The following KIF1A variants were observed in gnomAD, a reference collection of about 807,000 sequenced individuals.
KIF1A encodes the protein kinesin family member 1A, also known as kinesin-like protein KIF1A.
In KIF1A, 46 loss-of-function variants were observed where a neutral mutation model predicts 227.3. The ratio of observed to expected loss-of-function variants is 0.20; its 90% CI spans 0.16 to 0.26. KIF1A has a LOEUF of 0.26. Ranked by LOEUF, KIF1A falls within the 10% of genes least tolerant of loss-of-function variation. The pLI, the probability that KIF1A is intolerant of heterozygous loss-of-function variation, is 1.00. For synonymous variants in KIF1A, 1,022 were observed against 1,012.8 expected (o/e 1.01, Z -0.17); for missense variants, 1,683 against 2,485.9 (o/e 0.68, Z 6.87).
At chr2:240,798,529 C>A (rs889406527) in intron 1 of KIF1A, among the ~76,000 whole-genome samples, 1 of 152,216 alleles carries the variant, frequency 6.6e-6, no homozygotes, top group Non-Finnish European at 1.5e-5. Context: ...CTGGCCTTTA[C>A]CCCAGCTGTG....
rs539803454 is a variant in KIF1A, at chr2:240,766,367, T to C, written c.1684+548A>G. Among the ~76,000 whole-genome samples, 50 of 152,270 alleles carry C rather than the reference T, an allele frequency of 3.3e-4. No homozygotes were observed. The highest frequency in any genetic ancestry group is 2.5e-3 in the East Asian group (13 of 5,166). On this transcript the variant is annotated intron_variant, in intron 19 of 48. Coordinates refer to ENST00000498729, the MANE Select transcript of KIF1A (RefSeq NM_001244008.2). This position sits in a 1 kb window ranked among gnomAD's most constrained non-coding sequence, Gnocchi z 5.0. ...CCCCAAGTTGGGCAGCACCAGGCAA[T>C]GGGGACAGCCCCACGTCATCTCCAG...
chr2:240,773,977 C>G (rs1016450049), intron 12 of KIF1A, among the ~76,000 whole-genome samples: 15 of 152,220 alleles, frequency 9.9e-5, no homozygotes, highest in Non-Finnish European at 2.2e-4. Flanking sequence ...CAAAGCACAC[C>G]CCCAAAGGCT....
At chr2:240,771,785 A>G (rs576772817) in intron 14 of KIF1A, among the ~76,000 whole-genome samples, 7 of 152,146 alleles carry the variant, frequency 4.6e-5, no homozygotes, top group South Asian at 2.1e-4. Flanking sequence ...GACCCTCATG[A>G]GGGAGGCCCT....
At chr2:240,798,384 A>G (rs1575655586) in intron 1 of KIF1A, among the ~76,000 whole-genome samples, 1 of 152,266 alleles carries the variant, frequency 6.6e-6, no homozygotes, top group South Asian at 2.1e-4. Context: ...ACAAAAGTCA[A>G]CGTTTTCGGC....
rs1240006144 is a variant in KIF1A, at chr2:240,725,159, C to T, written c.4256+112G>A. 1.7e-5 allele frequency: 20 copies of T among 1,188,302 alleles called. No homozygotes were observed. In the East Asian group the frequency reaches 1.8e-4, roughly 11 times the overall value. 73.6% of individuals were successfully genotyped at this position (1,188,302 alleles called of 1,614,324 possible). On this transcript the variant is annotated intron_variant, in intron 40 of 48. Transcript: ENST00000498729. This position sits in a 1 kb window ranked among gnomAD's most constrained non-coding sequence, Gnocchi z 5.8. Reference sequence around the variant, plus strand: ...GCCAGCCAGGAGTGTGGCTGGGCCTCGCACAGGGTGAGCTGCCGGGTGGCC... The same window carrying T: ...GCCAGCCAGGAGTGTGGCTGGGCCTTGCACAGGGTGAGCTGCCGGGTGGCC...
intron 37 of KIF1A, among the ~76,000 whole-genome samples, chr2:240,738,729 T>C (rs1332410814): frequency 6.6e-6 from 1 of 152,190 alleles, no homozygotes; most frequent in Admixed American, 6.5e-5. Flanking sequence ...CTGTTGGCCT[T>C]TTTAGAAAGA....
At chr2:240,738,469 G>A (rs2047604367) in intron 37 of KIF1A, among the ~76,000 whole-genome samples, 1 of 152,184 alleles carries the variant, frequency 6.6e-6, no homozygotes, top group African/African-American at 2.4e-5. Flanking sequence ...GGGATGCTGA[G>A]CTTGGAGAAG....
chr2:240,741,538 A>G (rs566174189), intron 34 of KIF1A, among the ~76,000 whole-genome samples, 161 bp from the exon 35 acceptor site: 2 of 152,294 alleles, frequency 1.3e-5, no homozygotes, highest in East Asian at 3.9e-4. Flanking sequence ...GCCATTCCCA[A>G]GATACACCGG....
In KIF1A at chr2:240,740,847, C is replaced by A. The variant is rs543022173; in HGVS notation, c.3749+422G>T. 6.6e-6 allele frequency among the ~76,000 whole-genome samples: 1 copy of A among 152,208 alleles called. No individual in the cohort carries two copies. Among genetic ancestry groups the A allele is most frequent in the East Asian group, 1.9e-4 (1 of 5,170 alleles). On this transcript the variant is annotated intron_variant, in intron 35 of 48. Transcript: ENST00000498729. The surrounding 1 kb of genome is among the most constrained non-coding windows in gnomAD (Gnocchi z 6.1). ...CAGCTCCCAGCTGCCCCCAGGGCAC[C>A]AGGCAGACCCCCACTGGCCTCCACC...
intron 27 of KIF1A, 49 bp from the exon 28 acceptor site, chr2:240,750,596 TC>T: frequency 7.3e-7 from 1 of 1,367,124 alleles, no homozygotes. Context: ...CCACGCATGT[TC>T]TGAACGGCAG....
Position 240,717,243 on chromosome 2 carries a change from G to C in KIF1A, c.*121C>G, listed in dbSNP as rs970315998. On this transcript the variant is annotated 3_prime_UTR_variant, in exon 49 of 49. Transcript: ENST00000498729. ...CCCGGGCCTGGCATGGGCGTCCCCT[G>C]GGGGGTCGACCCGGTCGTGGGCTGT... is the stretch of plus-strand genomic sequence containing the variant. 5.3e-6 allele frequency: 5 copies of C among 947,476 alleles called. No individual in the cohort carries two copies. Among genetic ancestry groups the C allele is most frequent in the Non-Finnish European group, 8.2e-6 (5 of 612,152 alleles). 58.7% of individuals were successfully genotyped at this position (947,476 alleles called of 1,614,324 possible). A position where few individuals can be genotyped will look rare whatever the true frequency, so the allele number is the denominator to read the frequency against.
rs890343225 is a variant in KIF1A at position 240,725,577 on chromosome 2, G to A, written c.4123-173C>T. ...GGAGAAAGTCTCTGCTCCTGCCCTC[G>A]AGAAAACCCCACTGGGGACAGGTAG... On this transcript the variant is annotated intron_variant, in intron 39 of 48. Transcript: ENST00000498729. This position sits in a 1 kb window ranked among gnomAD's most constrained non-coding sequence, Gnocchi z 5.8. 4 of 663,132 alleles carry A rather than the reference G, an allele frequency of 6.0e-6. No homozygotes were observed. Among genetic ancestry groups the A allele is most frequent in the Admixed American group, 3.0e-5 (1 of 33,566 alleles). The allele number at this position is 663,132 out of a possible 1,614,324, so 41.1% of individuals were successfully genotyped here.
At chr2:240,768,973 C>T (rs561311728) in intron 17 of KIF1A, among the ~76,000 whole-genome samples, 160 bp downstream of exon 17, 1 of 152,368 alleles carries the variant, frequency 6.6e-6, no homozygotes, top group East Asian at 1.9e-4. Context: ...CCACAAAAAG[C>T]AAAGTGTGAC....
rs751960710 is a variant in KIF1A, at chr2:240,797,746, C to T, written c.7G>A (p.Gly3Arg). ...CGCACCGCCACCTTCACCGAAGCCC[C>T]GGCCATCTCTGTGGCCTTCGTGGGT... MAGASVKVAVRVR... is the reference protein window; with the variant it reads MARASVKVAVRVR... The change falls in exon 2 of 49, where the codon GGG becomes AGG. Residue 3 changes from glycine (G) to arginine (R), a missense_variant. By Grantham distance (125) the Gly-to-Arg change is moderately radical. Transcript: ENST00000498729. 9.9e-6 allele frequency: 16 copies of T among 1,608,546 alleles called. No individual in the cohort carries two copies. Among genetic ancestry groups the T allele is most frequent in the Middle Eastern group, 1.6e-4 (1 of 6,076 alleles).
rs186030918 is a variant in KIF1A, at chr2:240,730,876, G to A, written c.4008-3936C>T. On this transcript the variant is annotated intron_variant, in intron 38 of 48. Transcript: ENST00000498729. ...GGCCCAGCCAACTGGAGGAGGCTGG[G>A]CCAGGCACCCCTGAGGGCCGCAGCA... Among the ~76,000 whole-genome samples the A allele has an allele frequency of 4.7e-4, 71 of 152,258 alleles. No homozygotes were observed. In the East Asian group the frequency reaches 0.013, roughly 27 times the overall value.
rs1281151241 is a variant in KIF1A at position 240,769,518 on chromosome 2, T to C, written c.1421+109A>G. Reference sequence around the variant, plus strand: ...CCTGGGCTGGGATGTGGCCACCCCATGGTGCAGGTGCCCAGCACTGGAGGG... The same window carrying C: ...CCTGGGCTGGGATGTGGCCACCCCACGGTGCAGGTGCCCAGCACTGGAGGG... On this transcript the variant is annotated intron_variant, in intron 16 of 48. Coordinates refer to ENST00000498729, the MANE Select transcript of KIF1A (RefSeq NM_001244008.2). 8 of 881,962 alleles carry C rather than the reference T, an allele frequency of 9.1e-6. No individual in the cohort carries two copies. In the East Asian group the frequency reaches 1.8e-4, roughly 20 times the overall value. The allele number at this position is 881,962 out of a possible 1,614,324, so 54.6% of individuals were successfully genotyped here. A position where few individuals can be genotyped will look rare whatever the true frequency, so the allele number is the denominator to read the frequency against.
intron 10 of KIF1A, among the ~76,000 whole-genome samples, chr2:240,776,345 A>T (rs924787358): frequency 6.6e-6 from 1 of 152,150 alleles, no homozygotes; most frequent in African/African-American, 2.4e-5. Flanking sequence ...CCACAGCTAA[A>T]TGTGGCCCTC....
At chr2:240,805,396 G>A (rs2057333273) in intron 1 of KIF1A, among the ~76,000 whole-genome samples, 1 of 152,122 alleles carries the variant, frequency 6.6e-6, no homozygotes, top group African/African-American at 2.4e-5. Context: ...ATGCTAATCA[G>A]CAAATTAAAT....
chr2:240,812,520 A>T (rs1260388550), intron 1 of KIF1A, among the ~76,000 whole-genome samples: 1 of 148,464 alleles, frequency 6.7e-6, no homozygotes, highest in Non-Finnish European at 1.5e-5. Flanking sequence ...ATCCACCTTC[A>T]CCTGGGGATC....
Sources: allele counts gnomAD v4.1 joint callset (sites outside exome capture counted in the v4.1 genomes callset), GRCh38; gene constraint gnomAD v4.1.1; non-coding constraint Gnocchi (gnomAD v3.1); transcripts MANE v1.5; gene names NCBI Gene and HGNC (gene_info 2026-07-23, HGNC 2026-07-21).